GSDME: variants seen among roughly 807,000 people sequenced by gnomAD.
The protein encoded by GSDME is gasdermin E.
A neutral mutation model predicts 47.5 loss-of-function variants in GSDME; 44 were observed. The observed-to-expected ratio is 0.93, with a 90% confidence interval of 0.73 to 1.19. The LOEUF is 1.19. Among genes scored for constraint, GSDME ranks in the 50% most tolerant of loss-of-function variants. The pLI is 0.00. For missense variants in GSDME, 663 were observed against 604.2 expected (o/e 1.10, Z -1.02); for synonymous variants, 258 against 252.8 (o/e 1.02, Z -0.20).
At chr7:24,769,900 C>G in the GSDME span, among the ~76,000 whole-genome samples, 15 of 152,138 alleles carry the variant, frequency 9.9e-5, no homozygotes, top group Non-Finnish European at 1.9e-4. Context: ...CATGCAAGAA[C>G]AGATGGATAA....
chr7:24,765,217 C>T, the GSDME span, among the ~76,000 whole-genome samples: 1 of 152,154 alleles, frequency 6.6e-6, no homozygotes, highest in Non-Finnish European at 1.5e-5. Flanking sequence ...TAAATAGCCC[C>T]TAGAGAAGTC....
At chr7:24,774,967 G>A in the GSDME span, among the ~76,000 whole-genome samples, 1 of 152,262 alleles carries the variant, frequency 6.6e-6, no homozygotes, top group Non-Finnish European at 1.5e-5. Context: ...AGTTTGCAAG[G>A]AAGCAAAACA....
intron 4 of GSDME, among the ~76,000 whole-genome samples, chr7:24,718,326 G>A (rs1480877441): frequency 2.0e-5 from 3 of 152,242 alleles, no homozygotes. Context: ...GCAAGCTGGA[G>A]GAGAAAGAGT....
At chr7:24,738,250 T>TAG (rs1358618639) in intron 3 of GSDME, among the ~76,000 whole-genome samples, 5 of 152,078 alleles carry the variant, frequency 3.3e-5, no homozygotes, top group African/African-American at 1.2e-4. Flanking sequence ...AAAAAACTAT[T>TAG]AAAGCCAATA....
the GSDME span, among the ~76,000 whole-genome samples, chr7:24,784,688 T>C: frequency 6.8e-6 from 1 of 146,780 alleles, no homozygotes; most frequent in Non-Finnish European, 1.5e-5. Flanking sequence ...GCCTCCCGAG[T>C]AGCTGGGACT....
In GSDME at chr7:24,712,728, A is replaced by T. The variant is rs1475647543; in HGVS notation, c.698-2340T>A. ...AGGCCCCTATCACAACAGACAGATT[A>T]ACAAGAGAGGCCAGGCACGGTGGCT... On this transcript the variant is annotated intron_variant, in intron 5 of 9. Transcript: ENST00000645220. The surrounding 1 kb of genome is among the most constrained non-coding windows in gnomAD (Gnocchi z 4.4). Among the ~76,000 whole-genome samples, 2 of 152,200 alleles carry T rather than the reference A, an allele frequency of 1.3e-5. No homozygotes were observed. The highest frequency in any genetic ancestry group is 2.9e-5 in the Non-Finnish European group (2 of 68,030).
chr7:24,775,303 C>A, the GSDME span, among the ~76,000 whole-genome samples: 1 of 152,130 alleles, frequency 6.6e-6, no homozygotes, highest in African/African-American at 2.4e-5. Flanking sequence ...TTTGCTATGT[C>A]CAGTACACTG....
intron 3 of GSDME, among the ~76,000 whole-genome samples, chr7:24,730,980 CT>C (rs1267683026): frequency 1.3e-5 from 2 of 152,148 alleles, no homozygotes; most frequent in Non-Finnish European, 2.9e-5. Flanking sequence ...GTCAGACAAG[CT>C]TTCAGGGGCT....
chr7:24,775,874 CAAAAAAAAAAA>C, the GSDME span, among the ~76,000 whole-genome samples: 8 of 31,396 alleles, frequency 2.5e-4, no homozygotes, highest in East Asian at 1.3e-3. Flanking sequence ...GATTCCATCT[CAAAAAAAAAAA>C]AAAAAAAAAA....
At chr7:24,771,992 C>A in the GSDME span, among the ~76,000 whole-genome samples, 1 of 152,180 alleles carries the variant, frequency 6.6e-6, no homozygotes, top group Admixed American at 6.5e-5. This position sits in a 1 kb window ranked among gnomAD's most constrained non-coding sequence, Gnocchi z 4.1. Context: ...TCAGTTCATG[C>A]GCAACAGCCC....
At chr7:24,748,567 A>T (rs1790753885) in intron 2 of GSDME, among the ~76,000 whole-genome samples, 1 of 152,136 alleles carries the variant, frequency 6.6e-6, no homozygotes, top group African/African-American at 2.4e-5. Context: ...TTTATTTTTA[A>T]ATTTTCTTCT....
chr7:24,706,360 C>T lies in GSDME; in HGVS notation c.1007G>A (p.Ser336Asn), dbSNP rs200671827. The stretch of plus-strand genomic sequence containing the variant: ...CACCGCCACTGTGGGCGAGAGGCCG[C>T]TGACCAGGTCATCGCACTGTAGGGC... Reference protein sequence around the residue: ...VLEPVCDDLVSGLSPTVAVLG... With the variant: ...VLEPVCDDLVNGLSPTVAVLG... Residue 336 changes from serine (S) to asparagine (N), a missense_variant, in exon 8 of 10, where the codon AGC (serine) becomes AAC (asparagine). By Grantham distance (46) the Ser-to-Asn change is conservative. Transcript: ENST00000645220. The T allele has an allele frequency of 2.7e-5, 43 of 1,612,830 alleles. No homozygotes were observed. The highest frequency in any genetic ancestry group is 3.6e-5 in the Non-Finnish European group (42 of 1,179,852).
Position 24,706,232 on chromosome 7 carries a change from T to C in GSDME, c.1135A>G (p.Ser379Gly). The change falls in exon 8 of 10, where the codon AGC (serine) becomes GGC (glycine). Residue 379 changes from serine to glycine, a missense_variant. Physicochemically the swap from Ser to Gly is moderately conservative, Grantham distance 56. Transcript: ENST00000645220. ...TAGGCTGTCATAAACAGCTGCTTGC[T>C]GCCTGCATCCTCGGGGCCCGGACAC... ...GGCPGPEDAG[S>G]KQLFMTAYFL... 6.2e-7 allele frequency: 1 copy of C among 1,614,242 alleles called. No homozygotes were observed. The highest frequency in any genetic ancestry group is 8.5e-7 in the Non-Finnish European group (1 of 1,180,038).
At chr7:24,761,418 T>A (rs1277356755), upstream of GSDME, among the ~76,000 whole-genome samples, 1 of 152,232 alleles carries the variant, frequency 6.6e-6, no homozygotes, top group Non-Finnish European at 1.5e-5. This position sits in a 1 kb window ranked among gnomAD's most constrained non-coding sequence, Gnocchi z 4.4. Context: ...TCATAGATAG[T>A]GACTTCTCAA....
the GSDME span, among the ~76,000 whole-genome samples, chr7:24,773,298 T>C: frequency 1.3e-5 from 2 of 152,254 alleles, no homozygotes; most frequent in African/African-American, 4.8e-5. The surrounding 1 kb of genome is among the most constrained non-coding windows in gnomAD (Gnocchi z 5.4). Flanking sequence ...TGTTCTATGA[T>C]TTAGACATCT....
chr7:24,751,309 A>T (rs1028263731), intron 1 of GSDME, among the ~76,000 whole-genome samples: 2 of 152,246 alleles, frequency 1.3e-5, no homozygotes, highest in Non-Finnish European at 2.9e-5. Context: ...ACATTTTTAC[A>T]AACTATCCAT....
rs548929001 is a variant in GSDME at position 24,721,023 on chromosome 7, C to T, written c.405-1805G>A. On this transcript the variant is annotated intron_variant, in intron 3 of 9. Transcript: ENST00000645220. This position sits in a 1 kb window ranked among gnomAD's most constrained non-coding sequence, Gnocchi z 4.1. ...AAATGAGCAATATTGTGTGGTTCCTCATATGAAATATCTGGAACAGGCAAA... is the reference window on the plus strand; with the variant it reads ...AAATGAGCAATATTGTGTGGTTCCTTATATGAAATATCTGGAACAGGCAAA... Among the ~76,000 whole-genome samples, 55 of 152,302 alleles carry T rather than the reference C, an allele frequency of 3.6e-4. No individual in the cohort carries two copies. Among genetic ancestry groups the T allele is most frequent in the Non-Finnish European group, 6.0e-4 (41 of 68,032 alleles).
At position 24,726,976 on chromosome 7, in the gene GSDME, G is replaced by A. The variant is rs898297658; in HGVS notation, c.405-7758C>T. ...AGAAGGGACCCAAGGGGATTATCTA[G>A]CTCTGGGCAGAAACTCAGGTTCATC... On this transcript the variant is annotated intron_variant, in intron 3 of 9. Coordinates refer to ENST00000645220, the MANE Select transcript of GSDME (RefSeq NM_001127453.2). The surrounding 1 kb of genome is among the most constrained non-coding windows in gnomAD (Gnocchi z 5.6). 1.3e-5 allele frequency among the ~76,000 whole-genome samples: 2 copies of A among 152,156 alleles called. No homozygotes were observed. Among genetic ancestry groups the A allele is most frequent in the African/African-American group, 4.8e-5 (2 of 41,428 alleles).
intron 3 of GSDME, among the ~76,000 whole-genome samples, chr7:24,738,624 A>C (rs1790386281): frequency 6.6e-6 from 1 of 151,706 alleles, no homozygotes; most frequent in African/African-American, 2.4e-5. Context: ...CAATAGAAAA[A>C]AAACTACCCT....
Sources: gnomAD v4.1 joint callset for allele counts (sites outside exome capture counted in the v4.1 genomes callset) on GRCh38, gnomAD v4.1.1 for gene constraint, Gnocchi (gnomAD v3.1) non-coding constraint, MANE v1.5 for transcripts, NCBI Gene and HGNC (gene_info 2026-07-23, HGNC 2026-07-21) for gene names.